The following MAGED1 variants were observed in gnomAD, a reference collection of about 807,000 sequenced individuals.
MAGED1 encodes MAGE family member D1, also known as melanoma-associated antigen D1.
A neutral mutation model predicts 54.1 loss-of-function variants in MAGED1; 3 were observed. The observed-to-expected ratio is 0.06, with a 90% CI of 0.03 to 0.14. MAGED1 has a LOEUF of 0.14. Among genes scored for constraint, MAGED1 ranks in the 10% least tolerant of loss-of-function variants. MAGED1 has a pLI of 1.00. For synonymous variants in MAGED1, 217 were observed against 227.3 expected (o/e 0.95, Z 0.41); for missense variants, 485 against 623.4 (o/e 0.78, Z 2.36).
intron 1 of MAGED1, among the ~76,000 whole-genome samples, chrX:51,825,583 C>G (rs1477379775): frequency 9.0e-6 from 1 of 111,721 alleles, no homozygotes; most frequent in Non-Finnish European, 1.9e-5. Context: ...TGCCTGGGAC[C>G]AATAAATTGC....
intron 1 of MAGED1, among the ~76,000 whole-genome samples, chrX:51,883,625 C>T (rs1557362643): frequency 8.9e-6 from 1 of 112,178 alleles, no homozygotes; most frequent in African/African-American, 3.2e-5. Context: ...TGACAAAAGA[C>T]GGTCAACACA....
chrX:51,806,166 G>T (rs1925026380), intron 1 of MAGED1, among the ~76,000 whole-genome samples: 1 of 108,353 alleles, frequency 9.2e-6, no homozygotes. Flanking sequence ...TAGAGACGGG[G>T]TTTCACCATG....
intron 1 of MAGED1, among the ~76,000 whole-genome samples, chrX:51,824,127 A>G (rs1261278230): frequency 1.8e-5 from 2 of 111,646 alleles, no homozygotes; most frequent in Non-Finnish European, 3.8e-5. Flanking sequence ...TCATCTTATG[A>G]TTTCACGTTA....
intron 11 of MAGED1, 101 bp from the exon 12 acceptor site, chrX:51,901,452 A>G (rs782485638): frequency 2.6e-4 from 201 of 768,314 alleles, no homozygotes; most frequent in Non-Finnish European, 3.4e-4. Flanking sequence ...TGTGTGTATC[A>G]CATTGTCCTT....
Position 51,896,824 on chromosome X carries a change from C to T in MAGED1, c.1169C>T (p.Pro390Leu), listed in dbSNP as rs782143827. The stretch of plus-strand genomic sequence containing the variant: ...ACTCCACCTGGATGGCAGACCCCAC[C>T]GGGCTGGCAGGGTCCTCCAGACTGG... ...WQTPPGWQTP[P>L]GWQGPPDWQG... Residue 390 changes from proline to leucine, a missense_variant, in exon 4 of 13, where the codon CCG (proline) becomes CTG (leucine). Physicochemically the swap from Pro to Leu is moderately conservative, Grantham distance 98. Coordinates refer to ENST00000326587, the MANE Select transcript of MAGED1 (RefSeq NM_006986.4). 7.4e-5 allele frequency: 89 copies of T among 1,203,804 alleles called. No individual in the cohort carries two copies. The highest frequency in any genetic ancestry group is 9.0e-5 in the Non-Finnish European group (80 of 891,731).
At chrX:51,861,292 A>C (rs1475827294) in intron 1 of MAGED1, among the ~76,000 whole-genome samples, 2 of 111,949 alleles carry the variant, frequency 1.8e-5, no homozygotes, top group Non-Finnish European at 3.8e-5. Flanking sequence ...GTATGGCTTA[A>C]AAAAGAAATA....
rs782593395 is a variant in MAGED1 at position 51,896,951 on chromosome X, T to C, written c.1296T>C (p.Asp432=). The C allele has an allele frequency of 5.6e-5, 68 of 1,209,014 alleles. No individual in the cohort carries two copies. In the South Asian group the frequency reaches 1.0e-3, roughly 19 times the overall value. Residue 432 remains aspartate, a synonymous_variant, in exon 4 of 13, where the codon GAT becomes GAC. Transcript: ENST00000326587. ...WPLPPDWIPA[D]WPIPPDWQNL... ...TACCACCTGACTGGATCCCCGCTGA[T>C]TGGCCAATTCCACCTGACTGGCAGA...
At chrX:51,877,971 G>C (rs1410182678) in intron 1 of MAGED1, among the ~76,000 whole-genome samples, 2 of 111,442 alleles carry the variant, frequency 1.8e-5, no homozygotes, top group African/African-American at 6.5e-5. Flanking sequence ...CCCAAATTAA[G>C]TGGTTTATGA....
chrX:51,891,861 G>GA (rs1427030832), upstream of MAGED1, among the ~76,000 whole-genome samples: 2 of 112,302 alleles, frequency 1.8e-5, no homozygotes, highest in African/African-American at 6.5e-5. Flanking sequence ...AGATAGCATA[G>GA]AAAATGGTGT....
At chrX:51,897,916 C>T (rs1261549329) in intron 7 of MAGED1, 30 bp downstream of exon 7, 20 of 1,096,040 alleles carry the variant, frequency 1.8e-5, no homozygotes, top group East Asian at 3.0e-5. Flanking sequence ...GGAACATGGC[C>T]TTTCTCAGTG....
At chrX:51,882,979 C>T (rs1219027184) in intron 1 of MAGED1, among the ~76,000 whole-genome samples, 1 of 112,124 alleles carries the variant, frequency 8.9e-6, no homozygotes, top group Non-Finnish European at 1.9e-5. Context: ...GCGTGAGCCA[C>T]TGCACCTGGC....
At chrX:51,859,043 G>A (rs782483883) in intron 1 of MAGED1, among the ~76,000 whole-genome samples, 2 of 111,358 alleles carry the variant, frequency 1.8e-5, no homozygotes, top group Admixed American at 9.6e-5. Flanking sequence ...TCTACCTTCA[G>A]GTATAACTGG....
chrX:51,837,827 CA>C (rs1167224122), intron 1 of MAGED1, among the ~76,000 whole-genome samples: 1 of 112,213 alleles, frequency 8.9e-6, no homozygotes, highest in Non-Finnish European at 1.9e-5. Context: ...CACTAGAGCC[CA>C]GGCTGCTTCT....
intron 1 of MAGED1, among the ~76,000 whole-genome samples, chrX:51,867,886 C>T (rs1927514048): frequency 8.9e-6 from 1 of 112,081 alleles, no homozygotes; most frequent in African/African-American, 3.2e-5. Flanking sequence ...TTCAGTATTG[C>T]CATGTGCTTG....
chrX:51,815,482 T>C (rs1300963123), intron 1 of MAGED1, among the ~76,000 whole-genome samples: 1 of 111,409 alleles, frequency 9.0e-6, no homozygotes, highest in African/African-American at 3.3e-5. Context: ...AATAAGCTTA[T>C]AGAATAATAA....
chrX:51,880,062 A>G (rs1413405508), intron 1 of MAGED1, among the ~76,000 whole-genome samples: 1 of 112,786 alleles, frequency 8.9e-6, no homozygotes, highest in Non-Finnish European at 1.9e-5. Context: ...CGTGGTGTCT[A>G]TAATTATTTG....
chrX:51,814,309 T>C (rs781804047), intron 1 of MAGED1, among the ~76,000 whole-genome samples: 1 of 111,771 alleles, frequency 8.9e-6, no homozygotes. Context: ...CCGCTGCCGC[T>C]GCCACTGCCG....
chrX:51,894,192 G>T, intron 1 of MAGED1, 77 bp from the exon 2 acceptor site: 1 of 574,726 alleles, frequency 1.7e-6, no homozygotes, highest in South Asian at 2.6e-5. Context: ...CGCACAGTCA[G>T]ACCACAGTCA....
chrX:51,872,664 T>C (rs1927724159), intron 1 of MAGED1, among the ~76,000 whole-genome samples: 1 of 112,233 alleles, frequency 8.9e-6, no homozygotes, highest in Non-Finnish European at 1.9e-5. Flanking sequence ...TCAGCAGGAC[T>C]TGTTTTCTGA....
Sources: gnomAD v4.1 joint callset for allele counts (sites outside exome capture counted in the v4.1 genomes callset) on GRCh38, gnomAD v4.1.1 for gene constraint, MANE v1.5 for transcripts, NCBI Gene and HGNC (gene_info 2026-07-23, HGNC 2026-07-21) for gene names.